The following STIM1 variants were observed in gnomAD, a reference collection of about 807,000 sequenced individuals.
STIM1 encodes stromal interaction molecule 1.
A neutral mutation model predicts 74.7 loss-of-function variants in STIM1; 25 were observed. That is an observed-to-expected ratio of 0.33 (90% CI 0.24 to 0.47). STIM1 has a LOEUF of 0.47. Among genes scored for constraint, STIM1 ranks in the 20% least tolerant of loss-of-function variants. The pLI is 1.00. For missense variants in STIM1, 728 were observed against 920.8 expected (o/e 0.79, Z 2.71); for synonymous variants, 328 against 348.8 (o/e 0.94, Z 0.66).
intron 3 of STIM1, among the ~76,000 whole-genome samples, chr11:4,054,700 G>A (rs2094274852): frequency 6.6e-6 from 1 of 152,138 alleles, no homozygotes; most frequent in Non-Finnish European, 1.5e-5. Context: ...CATGAAACCA[G>A]TCCCTCATGC....
rs954199863 is a variant in STIM1 at position 3,911,579 on chromosome 11, GTC to G, written c.139+55173_139+55174del. On this transcript the variant is annotated intron_variant, in intron 1 of 12. Transcript: ENST00000526596. ...TTAAAATTTTTTTTGTAGAGACGGG[GTC>G]TCCTTCTGTTGCTCAAGCTGCTCTC... 5.9e-5 allele frequency among the ~76,000 whole-genome samples: 9 copies of G among 151,894 alleles called. 1 individual carries two copies. Among genetic ancestry groups the G allele is most frequent in the Admixed American group, 5.3e-4 (8 of 15,226 alleles).
rs2090346605 is a variant in STIM1, at chr11:3,855,903, T to C, written c.-368T>C. On this transcript the variant is annotated 5_prime_UTR_variant, in exon 1 of 13. Coordinates refer to ENST00000526596, the MANE Select transcript of STIM1 (RefSeq NM_001382567.1). ...CTCGCCTCTCTTCTCTTCTCTTCTC[T>C]TCCTCCTCCACTTCTGTGCCCGCGG... 1.1e-5 allele frequency: 3 copies of C among 283,182 alleles called. No individual in the cohort carries two copies. The highest frequency in any genetic ancestry group is 6.7e-5 in the African/African-American group (3 of 45,062). The allele number at this position is 283,182 out of a possible 1,614,324, so 17.5% of individuals were successfully genotyped here.
At chr11:3,919,222 T>G (rs1195523044) in intron 1 of STIM1, among the ~76,000 whole-genome samples, 1 of 152,210 alleles carries the variant, frequency 6.6e-6, no homozygotes, top group Non-Finnish European at 1.5e-5. Context: ...TGTGTTTTTT[T>G]GAGATGGAGT....
Position 4,090,123 on chromosome 11 carries a change from G to A in STIM1, c.1635-1159G>A, listed in dbSNP as rs116596891. Among the ~76,000 whole-genome samples, 402 of 152,214 alleles carry A rather than the reference G, an allele frequency of 2.6e-3. 4 individuals carry two copies. The highest frequency in any genetic ancestry group is 8.8e-3 in the African/African-American group (367 of 41,512). ...CCTTGCAAAGAAGCCTCTTGCGACCGGCCCGTACATAGGCCTTTCAGCTTG... is the reference window on the plus strand; with the variant it reads ...CCTTGCAAAGAAGCCTCTTGCGACCAGCCCGTACATAGGCCTTTCAGCTTG... On this transcript the variant is annotated intron_variant, in intron 12 of 12. Coordinates refer to ENST00000526596, the MANE Select transcript of STIM1 (RefSeq NM_001382567.1).
Position 3,856,164 on chromosome 11 carries a change from G to A in STIM1, c.-107G>A, listed in dbSNP as rs766058801. On this transcript the variant is annotated 5_prime_UTR_variant, in exon 1 of 13. Transcript: ENST00000526596. ...GGTGGCTGGACAGCTGCGGAGCCGC[G>A]AGGGCATCTTGCCTGGAGACCGTCG... is the stretch of plus-strand genomic sequence containing the variant. 2 of 1,488,078 alleles carry A rather than the reference G, an allele frequency of 1.3e-6. No homozygotes were observed. The highest frequency in any genetic ancestry group is 1.9e-6 in the Non-Finnish European group (2 of 1,076,306). The allele number at this position is 1,488,078 out of a possible 1,614,324, so 92.2% of individuals were successfully genotyped here. A position where few individuals can be genotyped will look rare whatever the true frequency, so the allele number is the denominator to read the frequency against.
Position 3,979,734 on chromosome 11 carries a change from C to T in STIM1, c.270+12052C>T, listed in dbSNP as rs549040725. On this transcript the variant is annotated intron_variant, in intron 2 of 12. Transcript: ENST00000526596. ...GGATTACAGGTGAGAGCCACTGCAC[C>T]TTGGCTACCTTTGTTAATTCTCTGG... 2.0e-5 allele frequency among the ~76,000 whole-genome samples: 3 copies of T among 152,316 alleles called. No homozygotes were observed. The East Asian group carries it at 5.8e-4, about 29-fold the overall frequency.
At chr11:4,062,622 AAAAC>A (rs748143497) in intron 5 of STIM1, among the ~76,000 whole-genome samples, 16 of 152,316 alleles carry the variant, frequency 1.1e-4, no homozygotes, top group South Asian at 6.2e-4. Context: ...ACCCTCTCTC[AAAAC>A]AAACAAACAA....
At chr11:3,889,172 A>G (rs2091822950) in intron 1 of STIM1, among the ~76,000 whole-genome samples, 1 of 148,746 alleles carries the variant, frequency 6.7e-6, no homozygotes, top group Non-Finnish European at 1.5e-5. Context: ...AGGTTTTATC[A>G]GAGATACCTA....
chr11:4,065,928 T>C (rs1336869551), intron 5 of STIM1, among the ~76,000 whole-genome samples: 2 of 152,082 alleles, frequency 1.3e-5, no homozygotes, highest in Non-Finnish European at 2.9e-5. Flanking sequence ...GTGGAGAGAA[T>C]AGATTGGGAG....
intron 1 of STIM1, among the ~76,000 whole-genome samples, chr11:3,883,019 G>T (rs77816260): frequency 2.5e-4 from 23 of 93,336 alleles, no homozygotes; most frequent in East Asian, 7.8e-4. Flanking sequence ...TAAGTTGTTT[G>T]TTTTTTTGTT....
chr11:3,915,323 C>T (rs1187413761), intron 1 of STIM1, among the ~76,000 whole-genome samples: 2 of 151,940 alleles, frequency 1.3e-5, no homozygotes, highest in African/African-American at 4.8e-5. Flanking sequence ...TTCCCGGGCT[C>T]AAGCAATACA....
chr11:3,964,994 G>T (rs2093326248), intron 1 of STIM1, among the ~76,000 whole-genome samples: 1 of 152,162 alleles, frequency 6.6e-6, no homozygotes, highest in Non-Finnish European at 1.5e-5. Context: ...CAAAGTGCTG[G>T]GATCACAGGT....
chr11:3,894,370 A>G, intron 1 of STIM1, among the ~76,000 whole-genome samples: 1 of 152,174 alleles, frequency 6.6e-6, no homozygotes, highest in Non-Finnish European at 1.5e-5. Flanking sequence ...CCCTAGAGCC[A>G]GGCTTCAGGC....
chr11:4,012,479 T>A (rs2093847484), intron 2 of STIM1, among the ~76,000 whole-genome samples: 1 of 152,202 alleles, frequency 6.6e-6, no homozygotes, highest in Admixed American at 6.5e-5. Context: ...TTATTTGCTT[T>A]GTAGTAATTG....
chr11:4,037,466 A>G (rs547956605), intron 3 of STIM1, among the ~76,000 whole-genome samples: 228 of 152,278 alleles, frequency 1.5e-3, no homozygotes, highest in Non-Finnish European at 2.6e-3. Flanking sequence ...CTCTGTTACT[A>G]GGTGCATAAA....
At chr11:4,005,495 C>T (rs758012440) in intron 2 of STIM1, among the ~76,000 whole-genome samples, 7 of 149,394 alleles carry the variant, frequency 4.7e-5, no homozygotes, top group Non-Finnish European at 7.4e-5. Context: ...AAACCAAACA[C>T]CGCATGTTCT....
At chr11:3,991,997 TGCTTTCC>T (rs2093618082) in intron 2 of STIM1, among the ~76,000 whole-genome samples, 1 of 139,020 alleles carries the variant, frequency 7.2e-6, no homozygotes, top group Admixed American at 7.2e-5. Context: ...ATCTCCAAAC[TGCTTTCC>T]ACAGTGGCTG....
At chr11:4,029,370 T>C (rs1006157042) in intron 3 of STIM1, among the ~76,000 whole-genome samples, 1 of 152,026 alleles carries the variant, frequency 6.6e-6, no homozygotes, top group African/African-American at 2.4e-5. Context: ...TATAATGCTG[T>C]TGAAAATTAA....
chr11:3,990,154 C>G (rs1290226051), intron 2 of STIM1, among the ~76,000 whole-genome samples: 1 of 152,202 alleles, frequency 6.6e-6, no homozygotes, highest in Non-Finnish European at 1.5e-5. Flanking sequence ...AATATGTGGT[C>G]TGTTGTAACT....
Sources: gnomAD v4.1 joint callset for allele counts (sites outside exome capture counted in the v4.1 genomes callset) on GRCh38, gnomAD v4.1.1 for gene constraint, MANE v1.5 for transcripts, NCBI Gene and HGNC (gene_info 2026-07-23, HGNC 2026-07-21) for gene names.